PREPL: variants seen among roughly 807,000 people sequenced by gnomAD.
The protein encoded by PREPL is prolyl endopeptidase like, also known as prolyl endopeptidase-like.
PREPL carries 77 observed loss-of-function variants against 70.6 expected under a neutral mutation model. The observed-to-expected ratio is 1.09, with a 90% confidence interval of 0.91 to 1.32. PREPL has a LOEUF of 1.32. Among genes scored for constraint, PREPL ranks in the 40% most tolerant of loss-of-function variants. The probability of loss-of-function intolerance (pLI) is 0.00; values close to 1 mark genes in which losing one functional copy is unlikely to be tolerated. For missense variants in PREPL, 1,002 were observed against 778.2 expected (o/e 1.29, Z -3.42); for synonymous variants, 315 against 264.8 (o/e 1.19, Z -1.84).
rs776865610 is a variant in PREPL, at chr2:44,346,368, T to A, written c.-26A>T. 29 of 1,613,118 alleles carry A rather than the reference T, an allele frequency of 1.8e-5. 2 individuals carry two copies. In the South Asian group the frequency reaches 2.3e-4, roughly 13 times the overall value. On this transcript the variant is annotated 5_prime_UTR_variant, in exon 2 of 14. Coordinates refer to ENST00000409411, the MANE Select transcript of PREPL (RefSeq NM_001171613.2). ...GTTTTCTGGAAGGGGTTTTTCGTTTTCTTGTTTAACAGGCTGAAGATCCTG... is the reference window on the plus strand; with the variant it reads ...GTTTTCTGGAAGGGGTTTTTCGTTTACTTGTTTAACAGGCTGAAGATCCTG...
intron 1 of PREPL, among the ~76,000 whole-genome samples, chr2:44,350,098 A>G (rs562860125): frequency 2.2e-4 from 33 of 152,332 alleles, no homozygotes; most frequent in African/African-American, 7.2e-4. Flanking sequence ...TTATTAGGCT[A>G]ATATAACCTT....
At position 44,339,299 on chromosome 2, in the gene PREPL, T is replaced by C. The variant is rs1674966472; in HGVS notation, c.550A>G (p.Thr184Ala). The C allele has an allele frequency of 6.2e-7, 1 of 1,614,068 alleles. No individual in the cohort carries two copies. ...RFLTINIMNK[T>A]TSEVWLIDGL... ...TCTATCAACCACACTTCAGAAGTAG[T>C]CTTGTTCATAATATTTATGGTGAGG... Residue 184 changes from threonine to alanine, a missense_variant, in exon 6 of 14, where the codon ACT (threonine) becomes GCT (alanine). Coordinates refer to ENST00000409411, the MANE Select transcript of PREPL (RefSeq NM_001171613.2).
At chr2:44,352,789 T>C (rs1042317174) in intron 1 of PREPL, among the ~76,000 whole-genome samples, 1 of 151,710 alleles carries the variant, frequency 6.6e-6, no homozygotes, top group South Asian at 2.1e-4. Flanking sequence ...AAAAAAATAA[T>C]AATAGAACAA....
chr2:44,338,946 A>G (rs1292740319), intron 6 of PREPL, among the ~76,000 whole-genome samples: 1 of 152,232 alleles, frequency 6.6e-6, no homozygotes, highest in African/African-American at 2.4e-5. Context: ...TCAGGACAGA[A>G]TATGTTTTAT....
At chr2:44,348,889 C>T (rs1676105149) in intron 1 of PREPL, among the ~76,000 whole-genome samples, 1 of 152,176 alleles carries the variant, frequency 6.6e-6, no homozygotes, top group Non-Finnish European at 1.5e-5. Flanking sequence ...GCTTTCATTT[C>T]AATTTCAGCT....
intron 1 of PREPL, chr2:44,359,485 A>G (rs752357199): frequency 1.3e-6 from 2 of 1,572,962 alleles, no homozygotes; most frequent in Non-Finnish European, 1.7e-6. Flanking sequence ...GGTTAACTTA[A>G]ACAGTCCATA....
At chr2:44,342,639 T>C in intron 4 of PREPL, 87 bp from the exon 5 acceptor site, 1 of 1,087,318 alleles carries the variant, frequency 9.2e-7, no homozygotes, top group Non-Finnish European at 1.3e-6. Flanking sequence ...TAATTTTGAA[T>C]GCCAGTGAGA....
intron 2 of PREPL, among the ~76,000 whole-genome samples, chr2:44,345,967 C>G (rs975755877): frequency 1.3e-5 from 2 of 151,926 alleles, no homozygotes; most frequent in African/African-American, 4.8e-5. Context: ...CACAGTGAGA[C>G]CCTGTCTCTT....
intron 1 of PREPL, among the ~76,000 whole-genome samples, chr2:44,351,473 G>T (rs1205088331): frequency 6.7e-6 from 1 of 149,894 alleles, no homozygotes; most frequent in Non-Finnish European, 1.5e-5. Flanking sequence ...AAAAATGTCC[G>T]AATCTGAACT....
intron 8 of PREPL, among the ~76,000 whole-genome samples, chr2:44,330,800 T>C (rs1435221200): frequency 6.6e-6 from 1 of 152,224 alleles, no homozygotes; most frequent in African/African-American, 2.4e-5. Context: ...TGTTCCCTAC[T>C]TGCATAAATT....
intron 12 of PREPL, among the ~76,000 whole-genome samples, chr2:44,322,206 C>A (rs527482502): frequency 1.3e-5 from 2 of 152,172 alleles, no homozygotes; most frequent in South Asian, 4.1e-4. Context: ...CTGGAAACAC[C>A]AACTACAGCA....
At chr2:44,347,372 A>G (rs1675942545) in intron 1 of PREPL, 1 of 152,144 alleles carries the variant, frequency 6.6e-6, no homozygotes, top group South Asian at 2.1e-4. Flanking sequence ...AATGAAACAG[A>G]GCTTCTTTTT....
chr2:44,350,681 C>G (rs1676321520), intron 1 of PREPL, among the ~76,000 whole-genome samples: 1 of 152,114 alleles, frequency 6.6e-6, no homozygotes, highest in Non-Finnish European at 1.5e-5. Flanking sequence ...GCCTCCAATT[C>G]TTCTCCTTAC....
At chr2:44,353,132 G>C (rs980112092) in intron 1 of PREPL, among the ~76,000 whole-genome samples, 1 of 152,048 alleles carries the variant, frequency 6.6e-6, no homozygotes, top group African/African-American at 2.4e-5. Context: ...TATTAGGGAT[G>C]GTCTACCTGT....
chr2:44,341,725 AAAAG>A (rs1675244105), intron 5 of PREPL, among the ~76,000 whole-genome samples: 1 of 151,662 alleles, frequency 6.6e-6, no homozygotes, highest in East Asian at 1.9e-4. Flanking sequence ...GCTTATTACA[AAAAG>A]AAAAAAAGAA....
chr2:44,355,751 T>TTATATATATATA (rs112927329), intron 1 of PREPL, among the ~76,000 whole-genome samples: 50 of 141,362 alleles, frequency 3.5e-4, no homozygotes, highest in African/African-American at 1.2e-3. Context: ...AAACTACATA[T>TTATATATATATA]TATATATATA....
intron 12 of PREPL, 44 bp downstream of exon 12, chr2:44,322,687 G>T (rs1049815567): frequency 5.6e-6 from 9 of 1,596,152 alleles, no homozygotes; most frequent in African/African-American, 1.4e-5. Context: ...GCTGTGGGTA[G>T]TAGTCTGTTT....
chr2:44,352,807 G>A (rs1453565330), intron 1 of PREPL, among the ~76,000 whole-genome samples: 2 of 152,108 alleles, frequency 1.3e-5, no homozygotes, highest in Non-Finnish European at 1.5e-5. Flanking sequence ...CAAATATGGA[G>A]AAGATATCTA....
intron 1 of PREPL, among the ~76,000 whole-genome samples, chr2:44,346,981 A>G (rs1179927373): frequency 6.6e-6 from 1 of 152,098 alleles, no homozygotes; most frequent in Non-Finnish European, 1.5e-5. Context: ...CAAGGGATAT[A>G]ATTTTCTTTT....
Sources: gnomAD v4.1 joint callset for allele counts (sites outside exome capture counted in the v4.1 genomes callset) on GRCh38, gnomAD v4.1.1 for gene constraint, MANE v1.5 for transcripts, NCBI Gene and HGNC (gene_info 2026-07-23, HGNC 2026-07-21) for gene names.